HDAC9: variants seen among roughly 807,000 people sequenced by gnomAD.
The protein encoded by HDAC9 is MEF-2 interacting transcription repressor (MITR) protein.
Under a neutral mutation model 139.4 loss-of-function variants are expected in HDAC9, and 41 were observed. The ratio of observed to expected loss-of-function variants is 0.29; its 90% CI spans 0.23 to 0.38. HDAC9 has a LOEUF of 0.38. Among genes scored for constraint, HDAC9 ranks in the 10% least tolerant of loss-of-function variants. The probability of loss-of-function intolerance (pLI) is 1.00; values close to 1 mark genes in which losing one functional copy is unlikely to be tolerated. For synonymous variants in HDAC9, 517 were observed against 476.2 expected, an observed-to-expected ratio of 1.09 and a Z score of -1.12; for missense variants, 1,147 against 1,297.0, an observed-to-expected ratio of 0.88 and a Z score of 1.78.
intron 6 of HDAC9, among the ~76,000 whole-genome samples, chr7:18,623,945 G>T (rs539773729): frequency 6.6e-5 from 10 of 151,938 alleles, no homozygotes; most frequent in Non-Finnish European, 1.2e-4. Context: ...TTGCAGGGGG[G>T]GTAAAAAAAG....
chr7:18,266,986 A>C (rs555225092), intron 2 of HDAC9, among the ~76,000 whole-genome samples: 5 of 152,170 alleles, frequency 3.3e-5, no homozygotes, highest in South Asian at 4.1e-4. Context: ...CAAAAATCAC[A>C]TATTTAGGTT....
In HDAC9 at chr7:18,587,878, T is replaced by C. The variant is rs112016335; in HGVS notation, c.264+2356T>C. Among the ~76,000 whole-genome samples the C allele has an allele frequency of 3.8e-3, 578 of 152,344 alleles. 5 individuals are homozygous for C. Among genetic ancestry groups the C allele is most frequent in the African/African-American group, 0.013 (547 of 41,574 alleles). On this transcript the variant is annotated intron_variant, in intron 3 of 25. Coordinates refer to ENST00000686413, the MANE Select transcript of HDAC9 (RefSeq NM_178425.4). ...TAATTAAATTGTGTGCTTTTCTAGA[T>C]TCCTATGAAAGATTAAAGTTCAAAT...
At chr7:18,324,870 A>G (rs1800315193) in intron 1 of HDAC9, among the ~76,000 whole-genome samples, 1 of 152,184 alleles carries the variant, frequency 6.6e-6, no homozygotes, top group African/African-American at 2.4e-5. Flanking sequence ...CGTCCTCACC[A>G]AATACTAAAA....
At chr7:18,174,942 T>G (rs745641843) in intron 2 of HDAC9, among the ~76,000 whole-genome samples, 96 of 152,218 alleles carry the variant, frequency 6.3e-4, no homozygotes, top group Non-Finnish European at 7.2e-4. Flanking sequence ...AGTCTGTCCG[T>G]TCTCCAATCT....
intron 1 of HDAC9, among the ~76,000 whole-genome samples, chr7:18,465,533 CA>C (rs1283150437): frequency 6.6e-6 from 1 of 152,102 alleles, no homozygotes; most frequent in Non-Finnish European, 1.5e-5. Context: ...AGAATGTAAA[CA>C]ATACAAATGC....
intron 15 of HDAC9, among the ~76,000 whole-genome samples, chr7:18,762,649 T>C (rs1789493574): frequency 6.6e-6 from 1 of 152,232 alleles, no homozygotes; most frequent in Non-Finnish European, 1.5e-5. Context: ...TTTTTTTGTA[T>C]CTTTTAGTTC....
chr7:18,818,652 T>A (rs1399793905), intron 17 of HDAC9, among the ~76,000 whole-genome samples: 1 of 152,226 alleles, frequency 6.6e-6, no homozygotes, highest in African/African-American at 2.4e-5. Context: ...TTTGTTAAAG[T>A]CTGAATCATC....
chr7:18,175,756 A>C (rs369862870), intron 2 of HDAC9, among the ~76,000 whole-genome samples: 110 of 147,970 alleles, frequency 7.4e-4, no homozygotes, highest in African/African-American at 2.6e-3. Context: ...GTAATCTGTA[A>C]AATTATTTTT....
intron 17 of HDAC9, among the ~76,000 whole-genome samples, chr7:18,794,627 T>C (rs931331247): frequency 2.6e-5 from 4 of 152,228 alleles, no homozygotes; most frequent in Non-Finnish European, 4.4e-5. Context: ...CTTCAGTCTT[T>C]ACCTTTGAAA....
chr7:18,584,051 G>T (rs1310855272), intron 2 of HDAC9, among the ~76,000 whole-genome samples: 7 of 151,632 alleles, frequency 4.6e-5, no homozygotes, highest in African/African-American at 1.7e-4. Flanking sequence ...CAAAATGTCA[G>T]AATGGACACC....
At chr7:18,424,798 G>C (rs994896917) in intron 1 of HDAC9, among the ~76,000 whole-genome samples, 4 of 152,132 alleles carry the variant, frequency 2.6e-5, no homozygotes. Context: ...AGCTACTCTG[G>C]AGGCTGAGGG....
chr7:18,218,942 G>C (rs538208543), intron 2 of HDAC9, among the ~76,000 whole-genome samples: 1 of 152,032 alleles, frequency 6.6e-6, no homozygotes, highest in South Asian at 2.1e-4. Flanking sequence ...CTGGGTCAAG[G>C]CATGTAAACA....
chr7:18,510,327 T>C (rs1001349481), intron 2 of HDAC9, among the ~76,000 whole-genome samples: 1 of 152,194 alleles, frequency 6.6e-6, no homozygotes, highest in Non-Finnish European at 1.5e-5. Context: ...AAATGTGAAA[T>C]GTGAAATAGC....
chr7:18,218,726 A>G (rs1456658837), intron 2 of HDAC9, among the ~76,000 whole-genome samples: 1 of 152,146 alleles, frequency 6.6e-6, no homozygotes, highest in Non-Finnish European at 1.5e-5. Context: ...TATATTATGA[A>G]ATAGTGTTCT....
chr7:18,429,957 A>G (rs1417670035), intron 1 of HDAC9, among the ~76,000 whole-genome samples: 1 of 152,228 alleles, frequency 6.6e-6, no homozygotes, highest in Non-Finnish European at 1.5e-5. Context: ...TAATTTATAA[A>G]TACCACTTGG....
At chr7:18,821,647 A>T (rs1794983571) in intron 17 of HDAC9, among the ~76,000 whole-genome samples, 1 of 152,226 alleles carries the variant, frequency 6.6e-6, no homozygotes, top group Admixed American at 6.5e-5. Context: ...GCAATTCTCC[A>T]ATTATCTGCA....
intron 3 of HDAC9, among the ~76,000 whole-genome samples, chr7:18,589,523 G>A (rs1400545284): frequency 6.6e-6 from 1 of 152,110 alleles, no homozygotes; most frequent in Admixed American, 6.6e-5. Flanking sequence ...AACAGAGTGA[G>A]ACCCTGTCTC....
intron 2 of HDAC9, among the ~76,000 whole-genome samples, chr7:18,257,401 C>CCACACACACA (rs773964606): frequency 5.0e-4 from 65 of 130,956 alleles, no homozygotes; most frequent in African/African-American, 1.8e-3. Context: ...TCTGTCTCTC[C>CCACACACACA]CACACACACA....
intron 1 of HDAC9, among the ~76,000 whole-genome samples, chr7:18,440,469 G>A (rs867612709): frequency 6.6e-6 from 1 of 152,274 alleles, no homozygotes; most frequent in Middle Eastern, 3.4e-3. Flanking sequence ...ACAGGCATGA[G>A]CCACCAGGCC....
Sources: allele counts gnomAD v4.1 joint callset (sites outside exome capture counted in the v4.1 genomes callset), GRCh38; gene constraint gnomAD v4.1.1; transcripts MANE v1.5; gene names NCBI Gene and HGNC (gene_info 2026-07-23, HGNC 2026-07-21).